PRKG1: variants seen among roughly 807,000 people sequenced by gnomAD.
PRKG1 encodes the protein protein kinase cGMP-dependent 1, also known as cGMP-dependent protein kinase 1.
PRKG1 carries 35 observed loss-of-function variants against 88.1 expected under a neutral mutation model. The observed-to-expected ratio is 0.40, with a 90% CI of 0.30 to 0.53. The LOEUF (loss-of-function observed/expected upper bound fraction) is 0.53. PRKG1 is among the 20% of genes least tolerant of loss of function. PRKG1 has a pLI of 0.59. For synonymous variants in PRKG1, 303 were observed against 292.5 expected, an observed-to-expected ratio of 1.04 and a Z score of -0.37; for missense variants, 540 against 839.8, an observed-to-expected ratio of 0.64 and a Z score of 4.41.
chr10:51,143,559 G>A (rs748205270), intron 1 of PRKG1, among the ~76,000 whole-genome samples: 4 of 151,926 alleles, frequency 2.6e-5, no homozygotes, highest in Admixed American at 1.3e-4. Context: ...ACTATTTTCC[G>A]TAATGGCTAT....
At chr10:51,579,989 T>G (rs1405277157) in intron 3 of PRKG1, among the ~76,000 whole-genome samples, 1 of 152,166 alleles carries the variant, frequency 6.6e-6, no homozygotes, top group Non-Finnish European at 1.5e-5. Context: ...CATCCCATTC[T>G]TCTCTCTCTA....
chr10:51,978,765 T>C (rs1201364946), intron 5 of PRKG1, among the ~76,000 whole-genome samples: 1 of 152,050 alleles, frequency 6.6e-6, no homozygotes, highest in South Asian at 2.1e-4. Context: ...CCAGGTTGAC[T>C]GTTGTTCATG....
intron 1 of PRKG1, among the ~76,000 whole-genome samples, chr10:51,082,594 T>TG (rs563391184): frequency 1.6e-4 from 24 of 151,976 alleles, no homozygotes; most frequent in African/African-American, 5.1e-4. Flanking sequence ...AGTGTGTGTG[T>TG]TTGTTGTGTG....
intron 3 of PRKG1, among the ~76,000 whole-genome samples, chr10:51,587,033 A>G (rs1838190417): frequency 6.6e-6 from 1 of 152,076 alleles, no homozygotes; most frequent in Non-Finnish European, 1.5e-5. Context: ...GTGTACTCAA[A>G]CCTCACTAAA....
At chr10:52,289,664 A>C (rs190686426) in intron 16 of PRKG1, among the ~76,000 whole-genome samples, 8 of 148,452 alleles carry the variant, frequency 5.4e-5, no homozygotes, top group African/African-American at 2.0e-4. Context: ...CAAACAAGCA[A>C]AAACTTTAGT....
At chr10:51,178,130 T>C (rs1481215897) in intron 2 of PRKG1, among the ~76,000 whole-genome samples, 1 of 151,936 alleles carries the variant, frequency 6.6e-6, no homozygotes, top group East Asian at 1.9e-4. Context: ...ACATTCACAG[T>C]TGACAGGAGG....
chr10:52,100,020 A>G (rs1431756364), intron 7 of PRKG1, among the ~76,000 whole-genome samples: 1 of 152,222 alleles, frequency 6.6e-6, no homozygotes, highest in Non-Finnish European at 1.5e-5. Flanking sequence ...CAGGGGAATA[A>G]TGAAGACCTT....
chr10:51,386,806 T>TAAA (rs1837264264), intron 2 of PRKG1, among the ~76,000 whole-genome samples: 1 of 152,148 alleles, frequency 6.6e-6, no homozygotes, highest in Non-Finnish European at 1.5e-5. Flanking sequence ...ATAAATCATT[T>TAAA]AAGGGAAATC....
intron 2 of PRKG1, among the ~76,000 whole-genome samples, chr10:51,255,471 A>C (rs949455216): frequency 6.6e-6 from 1 of 152,128 alleles, no homozygotes; most frequent in Non-Finnish European, 1.5e-5. Flanking sequence ...ACATTTATTT[A>C]TCATCTCACA....
chr10:52,165,706 A>G (rs1161791839), intron 9 of PRKG1, among the ~76,000 whole-genome samples: 1 of 152,208 alleles, frequency 6.6e-6, no homozygotes, highest in Non-Finnish European at 1.5e-5. Context: ...CCATAGTCTC[A>G]TTGACTATGC....
chr10:51,604,943 T>G (rs545990163), intron 3 of PRKG1, among the ~76,000 whole-genome samples: 2 of 152,198 alleles, frequency 1.3e-5, no homozygotes, highest in Non-Finnish European at 2.9e-5. Flanking sequence ...TCTTGCCCAA[T>G]GTACTGGAAG....
intron 7 of PRKG1, among the ~76,000 whole-genome samples, chr10:52,077,696 G>A (rs10824022): frequency 0.17 from 26,090 of 151,974 alleles, 2,835 homozygotes; most frequent in South Asian, 0.28. Flanking sequence ...AGGAGGCTCA[G>A]AGTTCTCTAT....
intron 2 of PRKG1, among the ~76,000 whole-genome samples, chr10:51,205,305 A>C (rs1395536057): frequency 6.8e-6 from 1 of 147,218 alleles, no homozygotes; most frequent in Admixed American, 6.8e-5. Context: ...TGCCCAGCTA[A>C]TTTTTCCGTT....
At chr10:51,452,583 T>C (rs293269) in intron 2 of PRKG1, among the ~76,000 whole-genome samples, 53,247 of 151,886 alleles carry the variant, frequency 0.35, 10,589 homozygotes, top group African/African-American at 0.51. Flanking sequence ...GCTTATGTGA[T>C]ATAATACATT....
intron 3 of PRKG1, among the ~76,000 whole-genome samples, chr10:51,544,748 C>T (rs1332896156): frequency 1.3e-5 from 2 of 152,090 alleles, no homozygotes; most frequent in Non-Finnish European, 2.9e-5. Flanking sequence ...GATCGCCATT[C>T]TAACTGATGG....
At chr10:51,803,242 T>TA (rs1839220989) in intron 3 of PRKG1, among the ~76,000 whole-genome samples, 1 of 152,128 alleles carries the variant, frequency 6.6e-6, no homozygotes, top group Non-Finnish European at 1.5e-5. Context: ...GTGTCATTTG[T>TA]AAAAAAACAT....
chr10:51,974,175 C>A (rs1426686608), intron 5 of PRKG1, among the ~76,000 whole-genome samples: 1 of 151,934 alleles, frequency 6.6e-6, no homozygotes, highest in Non-Finnish European at 1.5e-5. Context: ...TATTTTTGTC[C>A]CTTAGGGAAG....
intron 3 of PRKG1, among the ~76,000 whole-genome samples, chr10:51,504,880 A>T (rs1244598831): frequency 2.6e-4 from 39 of 152,124 alleles, no homozygotes; most frequent in Non-Finnish European, 8.8e-5. Flanking sequence ...GGCTGAGACG[A>T]TGGGGTTTTC....
intron 9 of PRKG1, chr10:52,184,547 A>G (rs1211949221): frequency 2.0e-5 from 3 of 152,236 alleles, no homozygotes; most frequent in Admixed American, 1.3e-4. Context: ...TGTTACAGCT[A>G]TACATAAAAA....
Sources: gnomAD v4.1 joint callset for allele counts (sites outside exome capture counted in the v4.1 genomes callset) on GRCh38, gnomAD v4.1.1 for gene constraint, MANE v1.5 for transcripts, NCBI Gene and HGNC (gene_info 2026-07-23, HGNC 2026-07-21) for gene names.